The following GALNT13 variants were observed in gnomAD, a reference collection of about 807,000 sequenced individuals.
GALNT13 encodes the protein UDP-GalNAc:polypeptide N-acetylgalactosaminyltransferase 13.
GALNT13 carries 28 observed loss-of-function variants against 64.2 expected under a neutral mutation model. The observed-to-expected ratio is 0.44, with a 90% confidence interval of 0.32 to 0.60. GALNT13 has a LOEUF of 0.60. Ranked by LOEUF, GALNT13 falls within the 20% of genes least tolerant of loss-of-function variation. GALNT13 has a pLI of 0.05. For missense variants in GALNT13, 577 were observed against 669.8 expected (o/e 0.86, Z 1.53); for synonymous variants, 214 against 224.6 (o/e 0.95, Z 0.42).
chr2:154,368,997 A>AGTTGTT (rs60292131), intron 9 of GALNT13, among the ~76,000 whole-genome samples: 16,557 of 150,684 alleles, frequency 0.11, 1,088 homozygotes, highest in Non-Finnish European at 0.14. Context: ...GAAGACACCG[A>AGTTGTT]GTTGTTGTTG....
intron 4 of GALNT13, among the ~76,000 whole-genome samples, chr2:154,156,160 T>G (rs1684408891): frequency 6.6e-6 from 1 of 152,020 alleles, no homozygotes; most frequent in Non-Finnish European, 1.5e-5. Flanking sequence ...GTTAATTTTC[T>G]AAGATAGTGT....
At chr2:153,557,272 C>T in the GALNT13 span, among the ~76,000 whole-genome samples, 3 of 152,294 alleles carry the variant, frequency 2.0e-5, no homozygotes, top group East Asian at 3.9e-4. Context: ...CAGGCCATAC[C>T]ATAAAGCCTA....
chr2:153,992,618 T>C (rs1473559006), intron 3 of GALNT13, among the ~76,000 whole-genome samples: 2 of 152,216 alleles, frequency 1.3e-5, no homozygotes, highest in East Asian at 3.8e-4. Flanking sequence ...GCTGATTCCC[T>C]AATAAAGGTA....
chr2:154,376,598 A>T (rs905583133), intron 9 of GALNT13, among the ~76,000 whole-genome samples: 5 of 152,160 alleles, frequency 3.3e-5, no homozygotes, highest in African/African-American at 1.2e-4. Flanking sequence ...AGAAGTCAAA[A>T]TTAATATCAA....
At chr2:153,788,928 C>T in the GALNT13 span, among the ~76,000 whole-genome samples, 9 of 152,304 alleles carry the variant, frequency 5.9e-5, no homozygotes, top group African/African-American at 1.9e-4. Context: ...GCACCCAACA[C>T]GAGATCACCC....
rs1687547553 is a variant in GALNT13 at position 153,891,444 on chromosome 2, TGAAA to T, written c.-176-9491_-176-9488del. Among the ~76,000 whole-genome samples the T allele has an allele frequency of 2.6e-5, 4 of 152,172 alleles. No individual in the cohort carries two copies. In the South Asian group the frequency reaches 8.3e-4, roughly 31 times the overall value. On this transcript the variant is annotated intron_variant, in intron 1 of 12. Coordinates refer to ENST00000392825, the MANE Select transcript of GALNT13 (RefSeq NM_052917.4). Reference sequence around the variant, plus strand: ...CTTCTTGTCAAACTCATTTGGTATTTGAAATCACAACGCCTTTATGATTTTCACC... The same window carrying T: ...CTTCTTGTCAAACTCATTTGGTATTTTCACAACGCCTTTATGATTTTCACC...
intron 8 of GALNT13, among the ~76,000 whole-genome samples, chr2:154,298,746 A>AT (rs1478138314): frequency 1.3e-5 from 1 of 79,644 alleles, no homozygotes; most frequent in African/African-American, 4.2e-5. Context: ...TAGTATATAT[A>AT]AATATATATA....
chr2:154,216,802 C>CTTTTTTTT (rs397872685), intron 4 of GALNT13, among the ~76,000 whole-genome samples: 29 of 71,292 alleles, frequency 4.1e-4, no homozygotes, highest in East Asian at 1.1e-3. Context: ...TTCTCTCTCT[C>CTTTTTTTT]TTTTTTTTTT....
chr2:153,975,202 TATC>T (rs772357209), intron 3 of GALNT13, among the ~76,000 whole-genome samples: 2 of 152,122 alleles, frequency 1.3e-5, no homozygotes, highest in Non-Finnish European at 2.9e-5. Context: ...TTGGCCTTCT[TATC>T]ATGCCTTCAA....
At chr2:154,164,428 T>G (rs547422294) in intron 4 of GALNT13, among the ~76,000 whole-genome samples, 4 of 152,228 alleles carry the variant, frequency 2.6e-5, no homozygotes, top group African/African-American at 7.2e-5. Flanking sequence ...TTTATAAGAT[T>G]TCAACAACTA....
the GALNT13 span, among the ~76,000 whole-genome samples, chr2:153,250,458 T>C: frequency 6.6e-6 from 1 of 152,236 alleles, no homozygotes; most frequent in Non-Finnish European, 1.5e-5. Context: ...TCAACTATTG[T>C]GGAAGACAGT....
the GALNT13 span, among the ~76,000 whole-genome samples, chr2:153,641,066 G>T: frequency 6.6e-5 from 10 of 152,066 alleles, no homozygotes; most frequent in Non-Finnish European, 1.3e-4. Context: ...AGCATTCTTT[G>T]CTGAAATAAT....
the GALNT13 span, among the ~76,000 whole-genome samples, chr2:153,576,711 A>G: frequency 6.6e-6 from 1 of 152,192 alleles, no homozygotes; most frequent in Non-Finnish European, 1.5e-5. Context: ...AAAACTAGGT[A>G]CTAAGAGGGC....
intron 3 of GALNT13, among the ~76,000 whole-genome samples, chr2:153,992,550 A>G (rs1342274731): frequency 1.3e-5 from 2 of 152,202 alleles, no homozygotes; most frequent in Admixed American, 6.6e-5. Context: ...ACAAAGTTCA[A>G]CCTGAACACT....
At chr2:153,566,969 A>G in the GALNT13 span, among the ~76,000 whole-genome samples, 1 of 152,208 alleles carries the variant, frequency 6.6e-6, no homozygotes, top group Non-Finnish European at 1.5e-5. Context: ...CCAATGTCAT[A>G]TTACTGGAAA....
At chr2:154,158,582 C>T (rs1000047001) in intron 4 of GALNT13, among the ~76,000 whole-genome samples, 2 of 152,072 alleles carry the variant, frequency 1.3e-5, no homozygotes, top group Non-Finnish European at 1.5e-5. Flanking sequence ...AATATAAAGT[C>T]CTGTTAAATT....
At chr2:153,842,446 G>A in the GALNT13 span, among the ~76,000 whole-genome samples, 2 of 152,172 alleles carry the variant, frequency 1.3e-5, no homozygotes, top group Non-Finnish European at 2.9e-5. Flanking sequence ...TAGGAACCGA[G>A]AAGTGTCATC....
intron 3 of GALNT13, among the ~76,000 whole-genome samples, chr2:153,952,718 C>T (rs979567520): frequency 6.6e-6 from 1 of 151,844 alleles, no homozygotes; most frequent in African/African-American, 2.4e-5. Flanking sequence ...AAGATGAAGT[C>T]CCACAATAGG....
At chr2:154,185,975 A>T (rs1019893587) in intron 4 of GALNT13, among the ~76,000 whole-genome samples, 2 of 152,064 alleles carry the variant, frequency 1.3e-5, no homozygotes, top group East Asian at 3.9e-4. Context: ...ACAGTCTTCC[A>T]AATATAGCAT....
Sources: gnomAD v4.1 joint callset for allele counts (sites outside exome capture counted in the v4.1 genomes callset) on GRCh38, gnomAD v4.1.1 for gene constraint, MANE v1.5 for transcripts, NCBI Gene and HGNC (gene_info 2026-07-23, HGNC 2026-07-21) for gene names.